PTPRD: variants seen among roughly 807,000 people sequenced by gnomAD.
The protein encoded by PTPRD is protein tyrosine phosphatase receptor type D, also known as receptor-type tyrosine-protein phosphatase delta.
A neutral mutation model predicts 214.5 loss-of-function variants in PTPRD; 34 were observed. That is an observed-to-expected ratio of 0.16 (90% CI 0.12 to 0.21). The LOEUF (loss-of-function observed/expected upper bound fraction) is 0.21, where lower values mean the gene tolerates loss of function less well. PTPRD is among the 10% of genes least tolerant of loss of function. The pLI is 1.00. For synonymous variants in PTPRD, 1,128 were observed against 845.7 expected (o/e 1.33, Z -5.79); for missense variants, 2,545 against 2,398.7 (o/e 1.06, Z -1.27).
chr9:9,995,178 A>G (rs2096077065), intron 4 of PTPRD, among the ~76,000 whole-genome samples: 1 of 152,146 alleles, frequency 6.6e-6, no homozygotes, highest in Non-Finnish European at 1.5e-5. Context: ...ACCAAAAGCT[A>G]AAGGCCTCCA....
chr9:10,447,402 A>C (rs73408154), intron 2 of PTPRD, among the ~76,000 whole-genome samples: 3,710 of 151,942 alleles, frequency 0.024, 167 homozygotes, highest in African/African-American at 0.076. Context: ...GCTACTGTTA[A>C]TATTCTCAGC....
rs539108669 is a variant in PTPRD, at chr9:8,676,024, A to G, written c.65-39180T>C. ...GACCTGAGCCCCGTCGTTCTATCCC[A>G]TTTTGACCAATAGTGAGTGCCTTTC... On this transcript the variant is annotated intron_variant, in intron 12 of 45. Coordinates refer to ENST00000381196, the MANE Select transcript of PTPRD (RefSeq NM_002839.4). Among the ~76,000 whole-genome samples the G allele has an allele frequency of 2.0e-5, 3 of 152,284 alleles. No homozygotes were observed. In the East Asian group the frequency reaches 5.8e-4, roughly 29 times the overall value.
At chr9:9,332,911 G>T (rs2042878804) in intron 9 of PTPRD, among the ~76,000 whole-genome samples, 1 of 152,006 alleles carries the variant, frequency 6.6e-6, no homozygotes, top group Non-Finnish European at 1.5e-5. Flanking sequence ...ATCATAAAAA[G>T]AACTCTTACG....
intron 11 of PTPRD, among the ~76,000 whole-genome samples, chr9:8,821,898 C>T (rs533291949): frequency 9.5e-4 from 145 of 152,228 alleles, no homozygotes; most frequent in African/African-American, 3.4e-3. Context: ...CTCCTGACCT[C>T]GTGATCCACC....
intron 5 of PTPRD, among the ~76,000 whole-genome samples, chr9:9,862,984 T>C (rs1365067827): frequency 6.6e-6 from 1 of 152,176 alleles, no homozygotes; most frequent in African/African-American, 2.4e-5. Flanking sequence ...TCTTCAATAA[T>C]ATAGGAGACT....
chr9:9,927,355 T>C (rs773125392), intron 5 of PTPRD, among the ~76,000 whole-genome samples: 12 of 152,150 alleles, frequency 7.9e-5, no homozygotes, highest in Non-Finnish European at 1.3e-4. Context: ...AAAGCATTGC[T>C]AGCTGTCCTT....
chr9:9,670,110 G>T (rs1032935002), intron 7 of PTPRD, among the ~76,000 whole-genome samples: 1 of 152,110 alleles, frequency 6.6e-6, no homozygotes, highest in African/African-American at 2.4e-5. Flanking sequence ...TGTAAAATTA[G>T]CAATTAGTAA....
intron 7 of PTPRD, among the ~76,000 whole-genome samples, chr9:9,673,400 T>A (rs1204085868): frequency 1.3e-5 from 2 of 151,720 alleles, no homozygotes; most frequent in Admixed American, 1.3e-4. Flanking sequence ...TAGATAGAAC[T>A]CTGGAAAAAA....
intron 4 of PTPRD, among the ~76,000 whole-genome samples, chr9:9,989,016 C>CG (rs2095816614): frequency 2.8e-5 from 1 of 36,288 alleles, no homozygotes; most frequent in African/African-American, 7.7e-5. Flanking sequence ...TTTCACTGAC[C>CG]AAAAAAAAAA....
chr9:8,743,808 A>G (rs2092431954), intron 11 of PTPRD, among the ~76,000 whole-genome samples: 1 of 149,684 alleles, frequency 6.7e-6, no homozygotes, highest in Non-Finnish European at 1.5e-5. Context: ...AATAATAATA[A>G]TAATAATAAT....
At chr9:10,309,232 C>T (rs1475348827) in intron 3 of PTPRD, among the ~76,000 whole-genome samples, 1 of 151,882 alleles carries the variant, frequency 6.6e-6, no homozygotes, top group Non-Finnish European at 1.5e-5. Context: ...TTAATTTTTC[C>T]ACTTACTTTC....
At chr9:9,943,779 G>C (rs1052233623) in intron 4 of PTPRD, among the ~76,000 whole-genome samples, 4 of 152,044 alleles carry the variant, frequency 2.6e-5, no homozygotes, top group Non-Finnish European at 5.9e-5. Context: ...TAGCATGCTT[G>C]GTAAGTACAG....
At chr9:8,375,633 C>T (rs375890587) in intron 39 of PTPRD, among the ~76,000 whole-genome samples, 10 of 152,144 alleles carry the variant, frequency 6.6e-5, no homozygotes, top group South Asian at 2.1e-4. Flanking sequence ...TATTCCCCCA[C>T]ATATTATTTT....
At chr9:9,233,539 T>C (rs1236056207) in intron 9 of PTPRD, among the ~76,000 whole-genome samples, 1 of 152,162 alleles carries the variant, frequency 6.6e-6, no homozygotes, top group Non-Finnish European at 1.5e-5. Context: ...CATTCCAGCA[T>C]TAACCCAAAA....
At chr9:10,095,098 T>C (rs1254781129) in intron 3 of PTPRD, among the ~76,000 whole-genome samples, 5 of 151,396 alleles carry the variant, frequency 3.3e-5, no homozygotes, top group Non-Finnish European at 5.9e-5. Flanking sequence ...GAAAGAGGCA[T>C]AGGTGAGATA....
chr9:10,359,801 T>A (rs1242475510), intron 2 of PTPRD, among the ~76,000 whole-genome samples: 1 of 152,162 alleles, frequency 6.6e-6, no homozygotes, highest in Non-Finnish European at 1.5e-5. Context: ...GTGATTTTTA[T>A]CAATGCATTC....
chr9:8,379,801 C>G (rs1307770668), intron 37 of PTPRD, among the ~76,000 whole-genome samples: 1 of 152,002 alleles, frequency 6.6e-6, no homozygotes, highest in Non-Finnish European at 1.5e-5. Flanking sequence ...GGTTTTTTGC[C>G]TTTTTCTATT....
intron 3 of PTPRD, among the ~76,000 whole-genome samples, chr9:10,164,782 C>T (rs945116929): frequency 6.6e-6 from 1 of 150,742 alleles, no homozygotes; most frequent in Non-Finnish European, 1.5e-5. Flanking sequence ...ACTAATGAAG[C>T]TGACTCTAGA....
chr9:9,355,913 A>G (rs577029606), intron 9 of PTPRD, among the ~76,000 whole-genome samples: 3 of 151,616 alleles, frequency 2.0e-5, no homozygotes, highest in Admixed American at 6.6e-5. Context: ...AGACGCCAAT[A>G]GAAAAATGAT....
Sources: allele counts gnomAD v4.1 joint callset (sites outside exome capture counted in the v4.1 genomes callset), GRCh38; gene constraint gnomAD v4.1.1; transcripts MANE v1.5; gene names NCBI Gene and HGNC (gene_info 2026-07-23, HGNC 2026-07-21).